The following DAB1 variants were observed in gnomAD, a reference collection of about 807,000 sequenced individuals.
The protein encoded by DAB1 is disabled homolog 1.
A neutral mutation model predicts 64.6 loss-of-function variants in DAB1; 15 were observed. The observed-to-expected ratio is 0.23, with a 90% CI of 0.16 to 0.36. The LOEUF (loss-of-function observed/expected upper bound fraction) is 0.36. Ranked by LOEUF, DAB1 falls within the 10% of genes least tolerant of loss-of-function variation. The probability of loss-of-function intolerance (pLI) is 1.00; values close to 1 mark genes in which losing one functional copy is unlikely to be tolerated. For missense variants in DAB1, 596 were observed against 706.7 expected, an observed-to-expected ratio of 0.84 and a Z score of 1.78; for synonymous variants, 235 against 251.9, an observed-to-expected ratio of 0.93 and a Z score of 0.64.
At chr1:57,471,392 T>A (rs1478784853) in intron 7 of DAB1, among the ~76,000 whole-genome samples, 1 of 152,196 alleles carries the variant, frequency 6.6e-6, no homozygotes, top group African/African-American at 2.4e-5. Flanking sequence ...TAAGTCAAAA[T>A]GTCCAATGCA....
At chr1:58,012,890 GTGGCAGGC>G (rs1256301036) in intron 5 of DAB1, among the ~76,000 whole-genome samples, 1 of 152,214 alleles carries the variant, frequency 6.6e-6, no homozygotes, top group East Asian at 1.9e-4. Context: ...GAGAGACTGT[GTGGCAGGC>G]TGTGGAAAAG....
chr1:57,733,951 C>T (rs1338485978), intron 6 of DAB1, among the ~76,000 whole-genome samples: 1 of 152,052 alleles, frequency 6.6e-6, no homozygotes, highest in Admixed American at 6.5e-5. Context: ...GAAAGGTGGG[C>T]ATTTCCTTGG....
intron 7 of DAB1, among the ~76,000 whole-genome samples, chr1:57,607,638 C>G (rs991756248): frequency 2.6e-5 from 4 of 152,104 alleles, no homozygotes; most frequent in African/African-American, 7.2e-5. Flanking sequence ...TAAACACCGC[C>G]CAGTTCAAAT....
intron 5 of DAB1, among the ~76,000 whole-genome samples, chr1:58,149,986 C>T (rs116525756): frequency 6.6e-6 from 1 of 152,304 alleles, no homozygotes; most frequent in Non-Finnish European, 1.5e-5. Flanking sequence ...ACTATTGTTA[C>T]TCAAAAAGTA....
intron 4 of DAB1, among the ~76,000 whole-genome samples, chr1:58,292,639 T>C (rs1661873069): frequency 6.6e-6 from 1 of 152,138 alleles, no homozygotes; most frequent in African/African-American, 2.4e-5. Context: ...AGGTGCATTT[T>C]CAGGGTTAAG....
intron 6 of DAB1, chr1:57,649,732 T>A (rs1047583065): frequency 2.0e-5 from 3 of 152,202 alleles, no homozygotes; most frequent in Non-Finnish European, 4.4e-5. Flanking sequence ...TTGTTTTTCT[T>A]CTCTCTCAGT....
intron 4 of DAB1, among the ~76,000 whole-genome samples, chr1:58,277,211 T>C (rs1490891067): frequency 6.6e-6 from 1 of 151,930 alleles, no homozygotes; most frequent in African/African-American, 2.4e-5. Flanking sequence ...AGCTAATTTT[T>C]GTATTTTTAA....
intron 6 of DAB1, among the ~76,000 whole-genome samples, chr1:57,677,276 T>C (rs543567419): frequency 2.0e-5 from 3 of 152,348 alleles, no homozygotes; most frequent in East Asian, 1.9e-4. Context: ...CAGTCTATGG[T>C]ATTTTGTCAT....
chr1:58,230,660 G>T (rs1286959632), intron 4 of DAB1, among the ~76,000 whole-genome samples: 1 of 152,186 alleles, frequency 6.6e-6, no homozygotes, highest in Non-Finnish European at 1.5e-5. Context: ...AAAAACAACA[G>T]CTCCAGAAAA....
intron 5 of DAB1, among the ~76,000 whole-genome samples, chr1:57,921,485 C>G (rs762786681): frequency 8.5e-5 from 13 of 152,122 alleles, no homozygotes; most frequent in African/African-American, 1.2e-4. Flanking sequence ...AGAAACACAT[C>G]CCTCTCCTTG....
chr1:58,385,419 A>G (rs1433804386), intron 3 of DAB1, among the ~76,000 whole-genome samples: 2 of 152,156 alleles, frequency 1.3e-5, no homozygotes, highest in Non-Finnish European at 2.9e-5. Flanking sequence ...TTCCAAAAGC[A>G]TTTCATATGC....
intron 5 of DAB1, among the ~76,000 whole-genome samples, chr1:58,114,765 C>G (rs1652217126): frequency 1.3e-5 from 2 of 152,176 alleles, no homozygotes; most frequent in South Asian, 4.1e-4. Context: ...TGCCCTTAAT[C>G]CTCTTCTCCC....
At chr1:57,902,948 TCA>T (rs1644497852) in intron 5 of DAB1, among the ~76,000 whole-genome samples, 1 of 152,208 alleles carries the variant, frequency 6.6e-6, no homozygotes, top group South Asian at 2.1e-4. Flanking sequence ...TTTAATGGAC[TCA>T]CCATTCCACA....
intron 5 of DAB1, among the ~76,000 whole-genome samples, chr1:57,950,251 C>T (rs1645252455): frequency 6.6e-6 from 1 of 152,108 alleles, no homozygotes; most frequent in African/African-American, 2.4e-5. Flanking sequence ...ATAATATCTA[C>T]CTCCTTGAAG....
intron 4 of DAB1, among the ~76,000 whole-genome samples, chr1:58,242,274 T>C (rs190053119): frequency 6.6e-6 from 1 of 152,098 alleles, no homozygotes; most frequent in Non-Finnish European, 1.5e-5. Context: ...AATTCCTGCC[T>C]ATGTATATGT....
At chr1:58,119,154 A>G (rs1016488798) in intron 5 of DAB1, among the ~76,000 whole-genome samples, 3 of 152,088 alleles carry the variant, frequency 2.0e-5, no homozygotes, top group African/African-American at 7.2e-5. Flanking sequence ...TTGAACAAAT[A>G]TTTATCTGCA....
intron 6 of DAB1, among the ~76,000 whole-genome samples, chr1:57,660,492 T>C (rs1441759203): frequency 1.3e-5 from 2 of 152,272 alleles, no homozygotes; most frequent in Middle Eastern, 3.4e-3. Context: ...TTGTATACCA[T>C]TCACACAAGT....
chr1:57,016,670 C>T (rs192431577), intron 11 of DAB1, among the ~76,000 whole-genome samples: 28 of 150,060 alleles, frequency 1.9e-4, no homozygotes, highest in Admixed American at 8.9e-4. Flanking sequence ...ACTGCAAAAC[C>T]CCACATCCTG....
intron 1 of DAB1, among the ~76,000 whole-genome samples, chr1:57,883,666 C>G (rs1644179546): frequency 6.6e-6 from 1 of 152,168 alleles, no homozygotes; most frequent in Non-Finnish European, 1.5e-5. Context: ...TTTCTGTGAA[C>G]ATTTCTTTTT....
Sources: gnomAD v4.1 joint callset for allele counts (sites outside exome capture counted in the v4.1 genomes callset) on GRCh38, gnomAD v4.1.1 for gene constraint, MANE v1.5 for transcripts, NCBI Gene and HGNC (gene_info 2026-07-23, HGNC 2026-07-21) for gene names.